ITK: variants seen among roughly 807,000 people sequenced by gnomAD.
The protein encoded by ITK is IL2 inducible T cell kinase, also known as tyrosine-protein kinase ITK/TSK.
ITK carries 45 observed loss-of-function variants against 87.6 expected under a neutral mutation model. The observed-to-expected ratio is 0.51, with a 90% CI of 0.40 to 0.66. ITK has a LOEUF of 0.66. ITK is among the 30% of genes least tolerant of loss of function. The pLI, the probability that ITK is intolerant of heterozygous loss-of-function variation, is 0.00. For synonymous variants in ITK, 303 were observed against 273.6 expected, an observed-to-expected ratio of 1.11 and a Z score of -1.06; for missense variants, 605 against 766.3, an observed-to-expected ratio of 0.79 and a Z score of 2.48.
At chr5:157,187,040 A>G (rs1170376737) in intron 1 of ITK, among the ~76,000 whole-genome samples, 1 of 152,150 alleles carries the variant, frequency 6.6e-6, no homozygotes, top group Non-Finnish European at 1.5e-5. Context: ...ACTTTCCCTC[A>G]TCTCTGGAAT....
At chr5:157,209,054 A>AGCCG (rs1467774542) in intron 2 of ITK, 61 bp downstream of exon 2, 31 of 1,114,398 alleles carry the variant, frequency 2.8e-5, no homozygotes, top group Non-Finnish European at 4.3e-5. Context: ...CTTCAGTCAC[A>AGCCG]GCCGGGTGCA....
At chr5:157,210,159 C>T (rs1754159841) in intron 2 of ITK, among the ~76,000 whole-genome samples, 2 of 152,070 alleles carry the variant, frequency 1.3e-5, no homozygotes, top group Non-Finnish European at 2.9e-5. Flanking sequence ...CTCCTGACCT[C>T]GTGATCGACC....
chr5:157,244,113 T>A, intron 12 of ITK, 149 bp from the exon 13 acceptor site: 1 of 761,848 alleles, frequency 1.3e-6, no homozygotes, highest in Admixed American at 2.0e-5. Context: ...TCCAATGACA[T>A]GTTTTTGTTT....
chr5:157,197,727 G>A (rs147334827), intron 1 of ITK, among the ~76,000 whole-genome samples: 1 of 152,268 alleles, frequency 6.6e-6, no homozygotes, highest in Admixed American at 6.5e-5. Flanking sequence ...AATGGTTACA[G>A]AGTAGTCATT....
At chr5:157,217,151 T>C (rs564548020) in intron 4 of ITK, among the ~76,000 whole-genome samples, 4 of 146,004 alleles carry the variant, frequency 2.7e-5, no homozygotes, top group Admixed American at 6.9e-5. Context: ...AAAGGAGAAA[T>C]AGTGAGAGAT....
At chr5:157,243,545 G>T in intron 11 of ITK, 78 bp from the exon 12 acceptor site, 1 of 1,200,020 alleles carries the variant, frequency 8.3e-7, no homozygotes, top group East Asian at 2.3e-5. Context: ...TCTAGTTAGG[G>T]CTTTATAGTC....
intron 1 of ITK, among the ~76,000 whole-genome samples, chr5:157,204,012 G>A (rs1358695809): frequency 2.0e-5 from 3 of 152,072 alleles, no homozygotes; most frequent in Non-Finnish European, 4.4e-5. Context: ...TGTTTTGTTT[G>A]TTTGCTTGTT....
At chr5:157,220,360 T>C (rs1030873882) in intron 5 of ITK, among the ~76,000 whole-genome samples, 1 of 152,186 alleles carries the variant, frequency 6.6e-6, no homozygotes, top group Non-Finnish European at 1.5e-5. Flanking sequence ...CCTGCATCCA[T>C]GGGAACTCAA....
At chr5:157,200,867 C>A (rs531391174) in intron 1 of ITK, among the ~76,000 whole-genome samples, 7 of 152,162 alleles carry the variant, frequency 4.6e-5, no homozygotes, top group Non-Finnish European at 1.0e-4. Context: ...CACCTGAAGT[C>A]TACTGGCATA....
At chr5:157,238,950 A>AT (rs1754831342) in intron 9 of ITK, among the ~76,000 whole-genome samples, 1 of 152,070 alleles carries the variant, frequency 6.6e-6, no homozygotes. Flanking sequence ...TCTTCGGAAA[A>AT]TTTTTTTGGA....
At chr5:157,212,157 A>C (rs1408844600) in intron 3 of ITK, among the ~76,000 whole-genome samples, 1 of 152,178 alleles carries the variant, frequency 6.6e-6, no homozygotes, top group Non-Finnish European at 1.5e-5. Flanking sequence ...TTTGACTAAA[A>C]ACAGTCATGG....
At chr5:157,238,066 T>C in intron 8 of ITK, 43 bp from the exon 9 acceptor site, 1 of 1,481,116 alleles carries the variant, frequency 6.8e-7, no homozygotes, top group Non-Finnish European at 9.4e-7. Flanking sequence ...ATAAGCCTGG[T>C]TTCCTGAGAT....
intron 6 of ITK, among the ~76,000 whole-genome samples, chr5:157,226,637 G>A (rs1754537276): frequency 6.6e-6 from 1 of 151,994 alleles, no homozygotes; most frequent in African/African-American, 2.4e-5. Flanking sequence ...TCCTGTATTT[G>A]GCACCTACAG....
intron 1 of ITK, among the ~76,000 whole-genome samples, chr5:157,197,934 G>A (rs1465359196): frequency 1.3e-5 from 2 of 152,062 alleles, no homozygotes; most frequent in African/African-American, 2.4e-5. Flanking sequence ...TCAGGGAAAT[G>A]TATTTATTCA....
At chr5:157,209,698 G>A (rs530831126) in intron 2 of ITK, among the ~76,000 whole-genome samples, 2 of 152,202 alleles carry the variant, frequency 1.3e-5, no homozygotes, top group African/African-American at 4.8e-5. Context: ...TGGAGATTCT[G>A]AGGCAAAAAG....
At position 157,254,846 on chromosome 5, in the gene ITK, G is replaced by T; in HGVS notation, c.*2168G>T. 1 of 216,436 alleles carries T rather than the reference G, an allele frequency of 4.6e-6. No homozygotes were observed. Among genetic ancestry groups the T allele is most frequent in the East Asian group, 6.8e-5 (1 of 14,602 alleles). 13.4% of individuals were successfully genotyped at this position (216,436 alleles called of 1,614,324 possible). A position where few individuals can be genotyped will look rare whatever the true frequency, so the allele number is the denominator to read the frequency against. On this transcript the variant is annotated 3_prime_UTR_variant, in exon 17 of 17. Coordinates refer to ENST00000422843, the MANE Select transcript of ITK (RefSeq NM_005546.4). ...GCTCAGATTCATCTAATCCTCAACTGTACATGTGTACATTCTTCACCTCCT... is the reference window on the plus strand; with the variant it reads ...GCTCAGATTCATCTAATCCTCAACTTTACATGTGTACATTCTTCACCTCCT...
intron 5 of ITK, 37 bp from the exon 6 acceptor site, chr5:157,222,826 T>TA (rs780572513): frequency 6.8e-5 from 109 of 1,613,076 alleles, no homozygotes; most frequent in Non-Finnish European, 8.0e-5. Context: ...CCTCCTTTTT[T>TA]ATGTCTTTGC....
chr5:157,240,120 C>A lies in ITK; in HGVS notation c.910C>A (p.Arg304=), dbSNP rs1333663722. ...HIKETNDNPK[R]YYVAEKYVFD... The stretch of plus-strand genomic sequence containing the variant: ...CAAGGAAACAAATGACAATCCTAAG[C>A]GATACTATGTGGCTGAAAAGTATGT... Residue 304 remains arginine (R), a synonymous_variant, in exon 10 of 17, where the codon CGA becomes AGA. Coordinates refer to ENST00000422843, the MANE Select transcript of ITK (RefSeq NM_005546.4). 1.2e-6 allele frequency: 2 copies of A among 1,612,558 alleles called. No individual in the cohort carries two copies. The highest frequency in any genetic ancestry group is 1.7e-6 in the Non-Finnish European group (2 of 1,178,696).
At position 157,238,147 on chromosome 5, in the gene ITK, T is replaced by C. The variant is rs779105268; in HGVS notation, c.807T>C (p.Thr269=). Residue 269 remains threonine, a synonymous_variant, in exon 9 of 17, where the codon ACT becomes ACC. Coordinates refer to ENST00000422843, the MANE Select transcript of ITK (RefSeq NM_005546.4). ...CCTTCATGGTAAGGGATTCCAGGAC[T>C]GCAGGAACATACACCGTGTCTGTTT... ...EGAFMVRDSR[T]AGTYTVSVFT... 5.0e-6 allele frequency: 8 copies of C among 1,613,998 alleles called. No homozygotes were observed. Among genetic ancestry groups the C allele is most frequent in the Non-Finnish European group, 6.8e-6 (8 of 1,179,858 alleles).
Sources: gnomAD v4.1 joint callset for allele counts (sites outside exome capture counted in the v4.1 genomes callset) on GRCh38, gnomAD v4.1.1 for gene constraint, MANE v1.5 for transcripts, NCBI Gene and HGNC (gene_info 2026-07-23, HGNC 2026-07-21) for gene names.